Variants in AKT1 observed in about 807,000 individuals in gnomAD.
AKT1 encodes AKT serine/threonine kinase 1.
AKT1 carries 21 observed loss-of-function variants against 63.1 expected under a neutral mutation model. That is an observed-to-expected ratio of 0.33 (90% CI 0.24 to 0.48). The LOEUF is 0.48. Ranked by LOEUF, AKT1 falls within the 20% of genes least tolerant of loss-of-function variation. AKT1 has a pLI of 0.99. For missense variants in AKT1, 382 were observed against 666.0 expected (o/e 0.57, Z 4.69); for synonymous variants, 257 against 253.1 (o/e 1.02, Z -0.15).
rs74090009 is a variant in AKT1 at position 104,777,780 on chromosome 14, C to A, written c.176-1010G>T. 257 of 983,712 alleles carry A rather than the reference C, an allele frequency of 2.6e-4. 1 individual carries two copies. The African/African-American group carries it at 4.3e-3, about 17-fold the overall frequency. The allele number at this position is 983,712 out of a possible 1,614,324, so 60.9% of individuals were successfully genotyped here. A position where few individuals can be genotyped will look rare whatever the true frequency, so the allele number is the denominator to read the frequency against. ...CCTGGCAACCACAAGGGGGCCTGGC[C>A]AGGCAGCAAGGAAGCTGTCTTCCAG... On this transcript the variant is annotated intron_variant, in intron 4 of 14. Coordinates refer to ENST00000649815, the MANE Select transcript of AKT1 (RefSeq NM_001382430.1).
Position 104,774,989 on chromosome 14 carries a change from G to A in AKT1, c.582C>T (p.His194=). The change falls in exon 8 of 15, where the codon CAC becomes CAT. Residue 194 remains histidine, a synonymous_variant. Coordinates refer to ENST00000649815, the MANE Select transcript of AKT1 (RefSeq NM_001382430.1). ...GCAGGACGCGGTTCTCGGTGAGTGT[G>A]TGGGCCACCTCGTCCTGTAAAGCAG... ...EVIVAKDEVA[H]TLTENRVLQN... 6.2e-7 allele frequency: 1 copy of A among 1,613,186 alleles called. No individual in the cohort carries two copies. Among genetic ancestry groups the A allele is most frequent in the Non-Finnish European group, 8.5e-7 (1 of 1,179,822 alleles).
intron 3 of AKT1, among the ~76,000 whole-genome samples, chr14:104,789,352 G>T (rs1320485213): frequency 6.6e-6 from 1 of 152,252 alleles, no homozygotes; most frequent in African/African-American, 2.4e-5. Flanking sequence ...CCAGGCCGGG[G>T]CTGCACCAGG....
intron 4 of AKT1, chr14:104,777,793 A>G: frequency 6.2e-6 from 6 of 973,276 alleles, no homozygotes; most frequent in Non-Finnish European, 7.3e-6. Flanking sequence ...GCAGCAAGGA[A>G]GCTGTCTTCC....
At position 104,774,140 on chromosome 14, in the gene AKT1, G is replaced by A. The variant is rs866639807; in HGVS notation, c.634-160C>T. 2.4e-4 allele frequency: 154 copies of A among 647,176 alleles called. No individual in the cohort carries two copies. In the Middle Eastern group the frequency reaches 5.8e-3, roughly 24 times the overall value. 40.1% of individuals were successfully genotyped at this position (647,176 alleles called of 1,614,324 possible). A position where few individuals can be genotyped will look rare whatever the true frequency, so the allele number is the denominator to read the frequency against. On this transcript the variant is annotated intron_variant, in intron 8 of 14. Transcript: ENST00000649815. ...ACACCACGCTGCCTGATACCACACC[G>A]CCCGATACCACACTGCCCCACACCA...
At chr14:104,773,861 A>G (rs1242380026) in intron 9 of AKT1, 51 bp downstream of exon 9, 5 of 1,531,854 alleles carry the variant, frequency 3.3e-6, no homozygotes, top group Non-Finnish European at 4.4e-6. Flanking sequence ...CGGCCCCACC[A>G]TGGGCGGCCC....
At chr14:104,772,564 A>C in intron 12 of AKT1, 112 bp from the exon 13 acceptor site, 1 of 1,071,720 alleles carries the variant, frequency 9.3e-7, no homozygotes, top group Non-Finnish European at 1.4e-6. Context: ...TTCCGGGGCC[A>C]GGGAGGGGAG....
intron 3 of AKT1, among the ~76,000 whole-genome samples, chr14:104,782,074 C>T (rs1009376847): frequency 2.0e-5 from 3 of 152,024 alleles, no homozygotes; most frequent in African/African-American, 7.3e-5. Context: ...TCCACCCCGC[C>T]TCCCACGTCC....
rs953648680 is a variant in AKT1 at position 104,795,410 on chromosome 14, C to T, written c.-258+74G>A. 2.0e-5 allele frequency: 3 copies of T among 147,896 alleles called. No homozygotes were observed. The East Asian group carries it at 5.9e-4, about 29-fold the overall frequency. The allele number at this position is 147,896 out of a possible 1,614,324, so 9.2% of individuals were successfully genotyped here. A position where few individuals can be genotyped will look rare whatever the true frequency, so the allele number is the denominator to read the frequency against. On this transcript the variant is annotated intron_variant, in intron 1 of 14. Transcript: ENST00000649815. This position sits in a 1 kb window ranked among gnomAD's most constrained non-coding sequence, Gnocchi z 5.1. ...GCCGCGGCTCGCGCCCCGGCCCGAC[C>T]GGCCGCGAACAAAGCGGCCCGGCCC...
chr14:104,774,572 C>T (rs566516968), intron 8 of AKT1: 34 of 296,318 alleles, frequency 1.1e-4, no homozygotes, highest in African/African-American at 6.2e-4. Flanking sequence ...ACAGTAAATA[C>T]CTCCTGGGCC....
Position 104,770,087 on chromosome 14 carries a change from T to G in AKT1, c.*254A>C. ...CATTTCCCTACGTGAATCGGATTGT[T>G]CTGAGGGCTGAGGCCACACCCGGAG... On this transcript the variant is annotated 3_prime_UTR_variant, in exon 15 of 15. Transcript: ENST00000649815. 1 of 574,262 alleles carries G rather than the reference T, an allele frequency of 1.7e-6. No individual in the cohort carries two copies. Among genetic ancestry groups the G allele is most frequent in the Non-Finnish European group, 3.1e-6 (1 of 319,604 alleles). The allele number at this position is 574,262 out of a possible 1,614,324, so 35.6% of individuals were successfully genotyped here. A position where few individuals can be genotyped will look rare whatever the true frequency, so the allele number is the denominator to read the frequency against.
Position 104,770,160 on chromosome 14 carries a change from C to T in AKT1, c.*181G>A. 1 of 656,356 alleles carries T rather than the reference C, an allele frequency of 1.5e-6. No homozygotes were observed. The allele number at this position is 656,356 out of a possible 1,614,324, so 40.7% of individuals were successfully genotyped here. On this transcript the variant is annotated 3_prime_UTR_variant, in exon 15 of 15. Transcript: ENST00000649815. The stretch of plus-strand genomic sequence containing the variant: ...AAAACCCGCAGGATAGTTTTCTTCC[C>T]TACCCCGCTGCGGGGGAGGGTGCTG...
In AKT1 at chr14:104,769,445, G is replaced by A. The variant is rs11555429; in HGVS notation, c.*896C>T. On this transcript the variant is annotated 3_prime_UTR_variant, in exon 15 of 15. Transcript: ENST00000649815. The stretch of plus-strand genomic sequence containing the variant: ...AAGTTGAATGTTGTAAAAAAACGCC[G>A]TGGTGCAGCGGCAGCGGCAGCGTCT... The A allele has an allele frequency of 9.6e-4, 397 of 415,080 alleles. 5 individuals are homozygous for A. Among genetic ancestry groups the A allele is most frequent in the African/African-American group, 7.2e-3 (343 of 47,822 alleles). 25.7% of individuals were successfully genotyped at this position (415,080 alleles called of 1,614,324 possible).
At chr14:104,776,319 A>C in intron 5 of AKT1, 1 of 224,314 alleles carries the variant, frequency 4.5e-6, no homozygotes, top group South Asian at 7.3e-5. Flanking sequence ...GCTAAGTTTT[A>C]TATTTTTAGT....
chr14:104,774,183 C>T, intron 8 of AKT1: 1 of 547,842 alleles, frequency 1.8e-6, no homozygotes, highest in East Asian at 3.0e-5. Flanking sequence ...CATCACACTG[C>T]CCCACACCAT....
At chr14:104,779,684 C>T (rs1240935158) in intron 4 of AKT1, among the ~76,000 whole-genome samples, 2 of 151,430 alleles carry the variant, frequency 1.3e-5, no homozygotes, top group Non-Finnish European at 2.9e-5. Flanking sequence ...CAGCCGGCCT[C>T]GGCCTCGGGA....
intron 11 of AKT1, 43 bp downstream of exon 11, chr14:104,773,208 G>A (rs374446810): frequency 6.3e-5 from 101 of 1,613,404 alleles, no homozygotes; most frequent in South Asian, 2.3e-4. Context: ...TGCTCAGGAC[G>A]TGGGGACGCA....
At position 104,773,926 on chromosome 14, in the gene AKT1, C is replaced by T. The variant is rs1367895795; in HGVS notation, c.688G>A (p.Ala230Thr). 1 of 1,611,658 alleles carries T rather than the reference C, an allele frequency of 6.2e-7. No homozygotes were observed. Among genetic ancestry groups the T allele is most frequent in the Non-Finnish European group, 8.5e-7 (1 of 1,178,796 alleles). ...CCAGCCCCTACCTCGCCCCCGTTGG[C>T]GTACTCCATGACAAAGCAGAGGCGG... ...HDRLCFVMEY[A>T]NGGELFFHLS... The change falls in exon 9 of 15, where the codon GCC becomes ACC. Residue 230 changes from alanine to threonine, a missense_variant. Transcript: ENST00000649815.
Position 104,769,546 on chromosome 14 carries a change from A to G in AKT1, c.*795T>C, listed in dbSNP as rs769089409. The stretch of plus-strand genomic sequence containing the variant: ...GGGAGGGCCTGGGGCGACAGCGGAA[A>G]GGTTAAGCGTCGAAAAGGTCAAGTG... On this transcript the variant is annotated 3_prime_UTR_variant, in exon 15 of 15. Coordinates refer to ENST00000649815, the MANE Select transcript of AKT1 (RefSeq NM_001382430.1). 3.7e-6 allele frequency: 2 copies of G among 533,538 alleles called. No individual in the cohort carries two copies. The highest frequency in any genetic ancestry group is 7.3e-6 in the Non-Finnish European group (2 of 275,390). The allele number at this position is 533,538 out of a possible 1,614,324, so 33.1% of individuals were successfully genotyped here. A position where few individuals can be genotyped will look rare whatever the true frequency, so the allele number is the denominator to read the frequency against.
chr14:104,791,471 C>A (rs879634476), intron 3 of AKT1, among the ~76,000 whole-genome samples: 5 of 152,164 alleles, frequency 3.3e-5, no homozygotes, highest in Non-Finnish European at 4.4e-5. Context: ...CGAGGCCCCG[C>A]GTGCCATCAC....
Sources: gnomAD v4.1 joint callset for allele counts (sites outside exome capture counted in the v4.1 genomes callset) on GRCh38, gnomAD v4.1.1 for gene constraint, Gnocchi (gnomAD v3.1) non-coding constraint, MANE v1.5 for transcripts, NCBI Gene and HGNC (gene_info 2026-07-23, HGNC 2026-07-21) for gene names.